The following PRDM6 variants were observed in gnomAD, a reference collection of about 807,000 sequenced individuals.
PRDM6 encodes putative histone-lysine N-methyltransferase PRDM6.
A neutral mutation model predicts 60.8 loss-of-function variants in PRDM6; 25 were observed. The observed-to-expected ratio is 0.41, with a 90% CI of 0.30 to 0.57. The LOEUF is 0.57. Among genes scored for constraint, PRDM6 ranks in the 20% least tolerant of loss-of-function variants. The pLI is 0.27. For synonymous variants in PRDM6, 407 were observed against 357.4 expected, an observed-to-expected ratio of 1.14 and a Z score of -1.57; for missense variants, 839 against 821.3, an observed-to-expected ratio of 1.02 and a Z score of -0.26.
intron 3 of PRDM6, among the ~76,000 whole-genome samples, chr5:123,107,717 T>G (rs1764226487): frequency 6.6e-6 from 1 of 152,216 alleles, no homozygotes. Flanking sequence ...TACAAACAAT[T>G]TTTGTTCTGA....
intron 2 of PRDM6, among the ~76,000 whole-genome samples, chr5:123,094,274 GCCCAGTGGCACA>G (rs1481072787): frequency 6.6e-6 from 1 of 152,202 alleles, no homozygotes. Context: ...GCAACTTCGA[GCCCAGTGGCACA>G]CCAGCAGGCT....
chr5:123,119,535 G>A (rs943489040), intron 3 of PRDM6, among the ~76,000 whole-genome samples: 4 of 152,124 alleles, frequency 2.6e-5, no homozygotes, highest in Admixed American at 6.5e-5. Context: ...AACTTCTGCC[G>A]GTGATGCCTG....
rs1392993250 is a variant in PRDM6 at position 123,099,580 on chromosome 5, T to C, written c.593-74T>C. On this transcript the variant is annotated intron_variant, in intron 2 of 7. Coordinates refer to ENST00000407847, the MANE Select transcript of PRDM6 (RefSeq NM_001136239.4). This position sits in a 1 kb window ranked among gnomAD's most constrained non-coding sequence, Gnocchi z 4.0. ...GCGGTGATGCTGTTGTCTCGGGAGT[T>C]TACTCAAAGATGGGCCGCTCGGGGC... is the stretch of plus-strand genomic sequence containing the variant. 7 of 1,340,066 alleles carry C rather than the reference T, an allele frequency of 5.2e-6. No individual in the cohort carries two copies. Among genetic ancestry groups the C allele is most frequent in the African/African-American group, 1.5e-5 (1 of 65,164 alleles). The allele number at this position is 1,340,066 out of a possible 1,614,324, so 83.0% of individuals were successfully genotyped here. A position where few individuals can be genotyped will look rare whatever the true frequency, so the allele number is the denominator to read the frequency against.
At chr5:123,174,373 A>G (rs138275591) in intron 6 of PRDM6, among the ~76,000 whole-genome samples, 1 of 152,352 alleles carries the variant, frequency 6.6e-6, no homozygotes, top group Non-Finnish European at 1.5e-5. Flanking sequence ...GTTAGAATGC[A>G]TTTCCCTTGC....
chr5:123,101,798 A>G (rs1344124371), intron 3 of PRDM6, among the ~76,000 whole-genome samples: 1 of 152,238 alleles, frequency 6.6e-6, no homozygotes, highest in Non-Finnish European at 1.5e-5. Context: ...ATAGACTATA[A>G]CAATGCATAT....
intron 3 of PRDM6, among the ~76,000 whole-genome samples, chr5:123,128,400 T>C (rs1764742530): frequency 2.0e-5 from 3 of 152,210 alleles, no homozygotes; most frequent in African/African-American, 2.4e-5. Context: ...GTAAAAGCGT[T>C]CCTATTTCTC....
chr5:123,162,945 G>C (rs563545428), intron 5 of PRDM6, among the ~76,000 whole-genome samples: 23 of 152,306 alleles, frequency 1.5e-4, no homozygotes, highest in African/African-American at 5.3e-4. Context: ...AAAAGGGCAT[G>C]GGCAGATAAT....
chr5:123,135,128 G>C (rs1318594624), intron 3 of PRDM6, among the ~76,000 whole-genome samples: 2 of 152,088 alleles, frequency 1.3e-5, no homozygotes, highest in Admixed American at 6.6e-5. Context: ...ATTATTAGAT[G>C]GTTTACATAG....
intron 3 of PRDM6, among the ~76,000 whole-genome samples, chr5:123,116,484 GT>G (rs1349347295): frequency 6.6e-6 from 1 of 152,126 alleles, no homozygotes; most frequent in African/African-American, 2.4e-5. Flanking sequence ...TAAGAAAGTG[GT>G]TTCCTGTCAT....
intron 7 of PRDM6, among the ~76,000 whole-genome samples, chr5:123,185,534 A>G (rs1044240019): frequency 2.6e-5 from 4 of 152,232 alleles, no homozygotes; most frequent in African/African-American, 9.6e-5. Context: ...AGTTATTTTC[A>G]TTGAGCTGAT....
intron 3 of PRDM6, among the ~76,000 whole-genome samples, chr5:123,124,833 A>G (rs561657739): frequency 6.6e-6 from 1 of 152,268 alleles, no homozygotes; most frequent in South Asian, 2.1e-4. Context: ...CTGAAAGGAT[A>G]TGTTTTCAAA....
At chr5:123,097,705 GA>G (rs1561800478) in intron 2 of PRDM6, among the ~76,000 whole-genome samples, 1 of 152,206 alleles carries the variant, frequency 6.6e-6, no homozygotes, top group Non-Finnish European at 1.5e-5. Context: ...GGATAAGTGT[GA>G]GAATACTCCC....
intron 3 of PRDM6, among the ~76,000 whole-genome samples, chr5:123,151,364 A>G (rs1477682128): frequency 6.6e-6 from 1 of 152,116 alleles, no homozygotes; most frequent in Non-Finnish European, 1.5e-5. Flanking sequence ...GGAGGAGCAG[A>G]TTCATGATTA....
intron 3 of PRDM6, among the ~76,000 whole-genome samples, chr5:123,103,197 T>C (rs1764139922): frequency 1.3e-5 from 2 of 152,040 alleles, no homozygotes; most frequent in South Asian, 4.1e-4. Context: ...CCAAGAGAGT[T>C]GTTTTTTCTT....
rs910396575 is a variant in PRDM6, at chr5:123,188,253, G to T, written c.*1052G>T. The stretch of plus-strand genomic sequence containing the variant: ...ATGTCTACAAACACAAGTGAAAATA[G>T]CCCAGACAAGGAGACTTTGAGAGGA... On this transcript the variant is annotated 3_prime_UTR_variant, in exon 8 of 8. Transcript: ENST00000407847. The T allele has an allele frequency of 6.6e-6, 1 of 152,148 alleles. No homozygotes were observed. Among genetic ancestry groups the T allele is most frequent in the Non-Finnish European group, 1.5e-5 (1 of 68,054 alleles). 9.4% of individuals were successfully genotyped at this position (152,148 alleles called of 1,614,324 possible).
At chr5:123,127,392 A>C (rs1211420862) in intron 3 of PRDM6, among the ~76,000 whole-genome samples, 4 of 152,196 alleles carry the variant, frequency 2.6e-5, no homozygotes, top group African/African-American at 9.7e-5. Flanking sequence ...AAAATATAAC[A>C]GTTGGGGAGG....
At chr5:123,157,746 G>A (rs1398669888) in intron 4 of PRDM6, among the ~76,000 whole-genome samples, 1 of 152,202 alleles carries the variant, frequency 6.6e-6, no homozygotes, top group Non-Finnish European at 1.5e-5. Flanking sequence ...AAGTCAGCTG[G>A]TTTAAATTCA....
intron 3 of PRDM6, among the ~76,000 whole-genome samples, chr5:123,112,820 ATTC>A (rs70988561): frequency 0.16 from 10,101 of 63,100 alleles, 438 homozygotes; most frequent in East Asian, 0.36. Flanking sequence ...GCTATGCTGT[ATTC>A]TTCTTTTATT....
At chr5:123,168,475 A>G (rs1338123753) in intron 5 of PRDM6, among the ~76,000 whole-genome samples, 1 of 152,222 alleles carries the variant, frequency 6.6e-6, no homozygotes, top group Non-Finnish European at 1.5e-5. Flanking sequence ...GACCCAGGGT[A>G]AGTTACTGGA....
Sources: allele counts gnomAD v4.1 joint callset (sites outside exome capture counted in the v4.1 genomes callset), GRCh38; gene constraint gnomAD v4.1.1; non-coding constraint Gnocchi (gnomAD v3.1); transcripts MANE v1.5; gene names NCBI Gene and HGNC (gene_info 2026-07-23, HGNC 2026-07-21).